SNX29: variants seen among roughly 807,000 people sequenced by gnomAD.
The protein encoded by SNX29 is sorting nexin 29, also known as sorting nexin-29.
Under a neutral mutation model 102.1 loss-of-function variants are expected in SNX29, and 78 were observed. The ratio of observed to expected loss-of-function variants is 0.76; its 90% CI spans 0.64 to 0.92. The LOEUF (loss-of-function observed/expected upper bound fraction) is 0.92, where lower values mean the gene tolerates loss of function less well. SNX29 is among the 40% of genes least tolerant of loss of function. SNX29 has a pLI of 0.00. For synonymous variants in SNX29, 580 were observed against 414.5 expected (o/e 1.40, Z -4.85); for missense variants, 1,280 against 1,061.7 (o/e 1.21, Z -2.86).
intron 13 of SNX29, among the ~76,000 whole-genome samples, chr16:12,130,739 T>C (rs2054429040): frequency 6.6e-6 from 1 of 151,950 alleles, no homozygotes; most frequent in Non-Finnish European, 1.5e-5. Flanking sequence ...CTTCTCCTCC[T>C]CTCTTTCTTC....
intron 13 of SNX29, among the ~76,000 whole-genome samples, chr16:12,154,725 C>T (rs531628650): frequency 3.3e-4 from 51 of 152,296 alleles, no homozygotes; most frequent in African/African-American, 1.2e-3. Context: ...AGTCCAAGAT[C>T]AAGGTGCCAG....
chr16:12,034,714 T>C (rs1019820213), intron 4 of SNX29, among the ~76,000 whole-genome samples: 6 of 152,108 alleles, frequency 3.9e-5, no homozygotes, highest in African/African-American at 9.7e-5. Context: ...GTTTCAAAGG[T>C]GTTTAATCCT....
chr16:12,304,830 G>A (rs555107224), intron 15 of SNX29, among the ~76,000 whole-genome samples: 1 of 152,146 alleles, frequency 6.6e-6, no homozygotes, highest in Non-Finnish European at 1.5e-5. Flanking sequence ...CATTTACCTA[G>A]CATGATGGCA....
At position 12,096,027 on chromosome 16, in the gene SNX29, G is replaced by A. The variant is rs942270087; in HGVS notation, c.1402+17112G>A. On this transcript the variant is annotated intron_variant, in intron 11 of 20. Coordinates refer to ENST00000566228, the MANE Select transcript of SNX29 (RefSeq NM_032167.5). The surrounding 1 kb of genome is among the most constrained non-coding windows in gnomAD (Gnocchi z 4.2). ...ACATCAGAGAGAGATGCGAGGCCCC[G>A]CAGCCAGCTGCTTGCTTGGCTAAGG... is the stretch of plus-strand genomic sequence containing the variant. 5.9e-5 allele frequency among the ~76,000 whole-genome samples: 9 copies of A among 152,202 alleles called. No homozygotes were observed. The highest frequency in any genetic ancestry group is 2.1e-4 in the South Asian group (1 of 4,828).
At chr16:11,994,579 T>C (rs972364017) in intron 1 of SNX29, among the ~76,000 whole-genome samples, 1 of 152,256 alleles carries the variant, frequency 6.6e-6, no homozygotes, top group African/African-American at 2.4e-5. Context: ...TAAAGGTCTT[T>C]TCCTCTCTGA....
intron 3 of SNX29, among the ~76,000 whole-genome samples, chr16:12,026,275 C>T (rs950107231): frequency 6.6e-6 from 1 of 152,200 alleles, no homozygotes; most frequent in African/African-American, 2.4e-5. Context: ...CCATCTCATC[C>T]TGTCTTATTT....
At chr16:12,357,230 G>T (rs2082160728) in intron 16 of SNX29, among the ~76,000 whole-genome samples, 1 of 152,070 alleles carries the variant, frequency 6.6e-6, no homozygotes, top group African/African-American at 2.4e-5. Flanking sequence ...TATCCGTCAC[G>T]GCCAATTGTG....
chr16:12,217,847 A>G (rs1434679336), intron 14 of SNX29, among the ~76,000 whole-genome samples: 2 of 152,216 alleles, frequency 1.3e-5, no homozygotes, highest in African/African-American at 2.4e-5. Context: ...TCCTCCATCT[A>G]TAAAACGTGG....
chr16:12,536,299 C>T (rs887669204), intron 20 of SNX29, among the ~76,000 whole-genome samples: 2 of 151,976 alleles, frequency 1.3e-5, no homozygotes, highest in African/African-American at 4.8e-5. Context: ...CTAGCTCGTT[C>T]TGGGAAGACA....
Position 12,547,473 on chromosome 16 carries a change from C to G in SNX29, c.2319-21033C>G, listed in dbSNP as rs147984202. Among the ~76,000 whole-genome samples the G allele has an allele frequency of 6.8e-3, 1,029 of 152,202 alleles. 13 individuals are homozygous for G. Among genetic ancestry groups the G allele is most frequent in the African/African-American group, 0.024 (978 of 41,514 alleles). On this transcript the variant is annotated intron_variant, in intron 20 of 20. Coordinates refer to ENST00000566228, the MANE Select transcript of SNX29 (RefSeq NM_032167.5). ...CTCAGGCAGCCTGGGAAGGGGTATT[C>G]TCAAAGTAGAACTACCAGAACTTGC...
intron 20 of SNX29, chr16:12,557,754 A>C (rs947509031): frequency 6.6e-6 from 1 of 152,232 alleles, no homozygotes; most frequent in Non-Finnish European, 1.5e-5. Context: ...TTGTGATGTC[A>C]CTAAGCAACA....
chr16:12,075,722 C>T (rs2051528893), intron 10 of SNX29, among the ~76,000 whole-genome samples: 1 of 152,234 alleles, frequency 6.6e-6, no homozygotes, highest in Admixed American at 6.5e-5. Flanking sequence ...TTTAAGTCTG[C>T]AGAGGTTACT....
At chr16:12,005,242 T>C (rs981713748) in intron 3 of SNX29, among the ~76,000 whole-genome samples, 7 of 152,226 alleles carry the variant, frequency 4.6e-5, no homozygotes, top group Non-Finnish European at 8.8e-5. Flanking sequence ...GAGGGCCTAC[T>C]ATGGGGCCTG....
At chr16:11,994,691 C>G (rs1486853272) in intron 1 of SNX29, among the ~76,000 whole-genome samples, 2 of 152,150 alleles carry the variant, frequency 1.3e-5, no homozygotes, top group Non-Finnish European at 2.9e-5. Context: ...GGTAGGTGGG[C>G]ACATTGTTCC....
intron 3 of SNX29, among the ~76,000 whole-genome samples, chr16:12,020,747 C>A (rs1385778371): frequency 6.6e-6 from 1 of 152,076 alleles, no homozygotes; most frequent in Non-Finnish European, 1.5e-5. Flanking sequence ...TCTCAGCCAC[C>A]TGAGTAGCTG....
At chr16:12,032,886 A>G (rs982408261) in intron 4 of SNX29, among the ~76,000 whole-genome samples, 1 of 151,936 alleles carries the variant, frequency 6.6e-6, no homozygotes, top group Non-Finnish European at 1.5e-5. Context: ...TTTGTGAGAT[A>G]GAATCTCACT....
intron 15 of SNX29, among the ~76,000 whole-genome samples, chr16:12,289,177 A>C (rs180849196): frequency 6.6e-6 from 1 of 152,216 alleles, no homozygotes; most frequent in Non-Finnish European, 1.5e-5. Flanking sequence ...CTTGGATGGC[A>C]GGCCCCTTCT....
intron 20 of SNX29, among the ~76,000 whole-genome samples, chr16:12,541,467 G>A (rs1186420159): frequency 1.3e-5 from 2 of 152,156 alleles, no homozygotes; most frequent in Non-Finnish European, 2.9e-5. Context: ...AGTGCTTGAT[G>A]GAGCCAGGAT....
chr16:12,162,319 C>T (rs950270748), intron 13 of SNX29, among the ~76,000 whole-genome samples: 6 of 152,338 alleles, frequency 3.9e-5, no homozygotes, highest in African/African-American at 4.8e-5. Context: ...ATCACTTTGA[C>T]CCTCTGAAAT....
Sources: gnomAD v4.1 joint callset for allele counts (sites outside exome capture counted in the v4.1 genomes callset) on GRCh38, gnomAD v4.1.1 for gene constraint, Gnocchi (gnomAD v3.1) non-coding constraint, MANE v1.5 for transcripts, NCBI Gene and HGNC (gene_info 2026-07-23, HGNC 2026-07-21) for gene names.